Variants in CHN2 observed in about 807,000 individuals in gnomAD.
CHN2 encodes the protein chimerin 2, also known as beta-chimaerin.
CHN2 carries 35 observed loss-of-function variants against 56.3 expected under a neutral mutation model. That is an observed-to-expected ratio of 0.62 (90% confidence interval 0.47 to 0.82). The LOEUF (loss-of-function observed/expected upper bound fraction) is 0.82. Ranked by LOEUF, CHN2 falls within the 40% of genes least tolerant of loss-of-function variation. The pLI is 0.00. For synonymous variants in CHN2, 210 were observed against 212.8 expected, an observed-to-expected ratio of 0.99 and a Z score of 0.12; for missense variants, 491 against 580.5, an observed-to-expected ratio of 0.85 and a Z score of 1.58.
At position 29,301,712 on chromosome 7, in the gene CHN2, TA is replaced by T. The variant is rs577479171; in HGVS notation, c.50-52907del. ...TTATACTACTCACCCTACGTAATCT[TA>T]AAAAATTGCACTAAAATGAGAGCAC... On this transcript the variant is annotated intron_variant, in intron 1 of 12. Coordinates refer to ENST00000222792, the MANE Select transcript of CHN2 (RefSeq NM_004067.4). Among the ~76,000 whole-genome samples the T allele has an allele frequency of 1.3e-4, 20 of 152,256 alleles. 1 individual carries two copies. In the South Asian group the frequency reaches 3.7e-3, roughly 28 times the overall value.
intron 6 of CHN2, among the ~76,000 whole-genome samples, chr7:29,454,769 T>C (rs999861943): frequency 2.0e-5 from 3 of 152,172 alleles, no homozygotes; most frequent in Non-Finnish European, 2.9e-5. Flanking sequence ...AGTGCAGTCC[T>C]ACCATGGCTA....
In CHN2 at chr7:29,347,863, T is replaced by C. The variant is rs112469262; in HGVS notation, c.50-6762T>C. ...TATGTGCGCTGACATGGATAGATGC[T>C]AAAACAATATCATGAAATTCAAACA... On this transcript the variant is annotated intron_variant, in intron 1 of 12. Transcript: ENST00000222792. Among the ~76,000 whole-genome samples the C allele has an allele frequency of 6.4e-4, 97 of 152,362 alleles. 1 individual carries two copies. Among genetic ancestry groups the C allele is most frequent in the African/African-American group, 2.3e-3 (94 of 41,588 alleles).
chr7:29,261,689 A>G (rs906702853), intron 1 of CHN2, among the ~76,000 whole-genome samples: 2 of 152,238 alleles, frequency 1.3e-5, no homozygotes, highest in South Asian at 2.1e-4. Context: ...AGAACACATT[A>G]CTGAAATTAC....
chr7:29,336,269 T>A (rs1796608863), intron 1 of CHN2, among the ~76,000 whole-genome samples: 1 of 152,066 alleles, frequency 6.6e-6, no homozygotes. Context: ...ACGGCTTTTG[T>A]TGAGGAACTG....
intron 1 of CHN2, among the ~76,000 whole-genome samples, chr7:29,209,424 G>A (rs1784760355): frequency 6.6e-6 from 1 of 152,190 alleles, no homozygotes; most frequent in African/African-American, 2.4e-5. Flanking sequence ...TGAAAAAAAT[G>A]TTCTGCTAAC....
chr7:29,379,563 A>G (rs1040118191), intron 3 of CHN2, among the ~76,000 whole-genome samples: 2 of 152,268 alleles, frequency 1.3e-5, no homozygotes, highest in Non-Finnish European at 2.9e-5. Flanking sequence ...TAAAGCAAGA[A>G]TAGTAAAAAT....
chr7:29,233,824 G>GTTT (rs1584812326), intron 1 of CHN2, among the ~76,000 whole-genome samples: 4 of 81,786 alleles, frequency 4.9e-5, no homozygotes, highest in African/African-American at 1.9e-4. Context: ...CCAACACCTT[G>GTTT]ATTTTTTTTT....
intron 6 of CHN2, among the ~76,000 whole-genome samples, chr7:29,473,928 T>G (rs1585524761): frequency 6.6e-6 from 1 of 152,310 alleles, no homozygotes; most frequent in East Asian, 1.9e-4. Context: ...TTAAAAATCA[T>G]TTTTATATAA....
intron 1 of CHN2, chr7:29,289,050 A>G (rs1792372427): frequency 6.6e-6 from 1 of 152,246 alleles, no homozygotes; most frequent in Admixed American, 6.5e-5. Context: ...GCATTGAATG[A>G]GGAACAATAC....
intron 1 of CHN2, among the ~76,000 whole-genome samples, chr7:29,314,684 C>T (rs905460492): frequency 6.6e-6 from 1 of 152,014 alleles, no homozygotes; most frequent in African/African-American, 2.4e-5. Context: ...AGCAGGGAGG[C>T]AGAGCATTCA....
chr7:29,300,803 AC>A (rs1316026100), intron 1 of CHN2, among the ~76,000 whole-genome samples: 1 of 152,184 alleles, frequency 6.6e-6, no homozygotes, highest in Admixed American at 6.5e-5. Flanking sequence ...CCTAGTCTTC[AC>A]CCCCATTTAA....
At chr7:29,442,809 G>A (rs1306307947) in intron 6 of CHN2, among the ~76,000 whole-genome samples, 3 of 151,890 alleles carry the variant, frequency 2.0e-5, no homozygotes, top group African/African-American at 7.3e-5. Flanking sequence ...ATACGAGGTC[G>A]TTTTAAAACA....
intron 1 of CHN2, among the ~76,000 whole-genome samples, chr7:29,265,330 T>C (rs1056051506): frequency 1.3e-5 from 2 of 152,336 alleles, no homozygotes; most frequent in African/African-American, 4.8e-5. Context: ...GGATTTGCTA[T>C]CTGATCTGTT....
At chr7:29,292,074 C>T (rs1792678087) in intron 1 of CHN2, among the ~76,000 whole-genome samples, 1 of 152,164 alleles carries the variant, frequency 6.6e-6, no homozygotes, top group Admixed American at 6.5e-5. Context: ...TTTTATGACA[C>T]TTTTACCATG....
At chr7:29,437,597 C>CAAAAAAAAAAAAAAAAAAAAAA (rs11436612) in intron 6 of CHN2, among the ~76,000 whole-genome samples, 65 of 52,432 alleles carry the variant, frequency 1.2e-3, no homozygotes, top group Non-Finnish European at 1.8e-3. Flanking sequence ...GACTCCGTCT[C>CAAAAAAAAAAAAAAAAAAAAAA]AAAAAAAAAA....
At chr7:29,314,995 A>G (rs1175544803) in intron 1 of CHN2, among the ~76,000 whole-genome samples, 1 of 152,160 alleles carries the variant, frequency 6.6e-6, no homozygotes, top group African/African-American at 2.4e-5. Context: ...ACTGTAAAAT[A>G]TCAGCATCCT....
Position 29,512,694 on chromosome 7 carries a change from A to C in CHN2, c.1366A>C (p.Ile456Leu). ...GCATGATATGCGGTACCAAAAGCTG[A>C]TTGTGCAGATTTTAATAGAAAACGA... ...TLHDMRYQKLIVQILIENEDV... is the reference protein window; with the variant it reads ...TLHDMRYQKLLVQILIENEDV... The change falls in exon 13 of 13, where the codon ATT (isoleucine) becomes CTT (leucine). Residue 456 changes from isoleucine (I) to leucine (L), a missense_variant. Transcript: ENST00000222792. The C allele has an allele frequency of 6.2e-7, 1 of 1,614,220 alleles. No homozygotes were observed. The highest frequency in any genetic ancestry group is 8.5e-7 in the Non-Finnish European group (1 of 1,180,042).
chr7:29,494,636 A>G (rs1295626165), intron 7 of CHN2, among the ~76,000 whole-genome samples: 3 of 152,186 alleles, frequency 2.0e-5, no homozygotes, highest in African/African-American at 7.2e-5. Flanking sequence ...CAGGAACTAT[A>G]TAATAGGCAG....
intron 1 of CHN2, among the ~76,000 whole-genome samples, chr7:29,323,888 C>G (rs1359451511): frequency 6.6e-6 from 1 of 152,020 alleles, no homozygotes; most frequent in Admixed American, 6.5e-5. Context: ...CCTGTGGTCC[C>G]AGCTACTGGG....
Sources: gnomAD v4.1 joint callset for allele counts (sites outside exome capture counted in the v4.1 genomes callset) on GRCh38, gnomAD v4.1.1 for gene constraint, MANE v1.5 for transcripts, NCBI Gene and HGNC (gene_info 2026-07-23, HGNC 2026-07-21) for gene names.